Variants in CEP72 observed in about 807,000 individuals in gnomAD.
CEP72 encodes centrosomal protein 72.
In CEP72, 78 loss-of-function variants were observed where a neutral mutation model predicts 65.7. The ratio of observed to expected loss-of-function variants is 1.19; its 90% CI spans 0.99 to 1.43. The LOEUF (loss-of-function observed/expected upper bound fraction) is 1.43. Among genes scored for constraint, CEP72 ranks in the 40% most tolerant of loss-of-function variants. The pLI is 0.00. For synonymous variants in CEP72, 358 were observed against 351.7 expected (o/e 1.02, Z -0.20); for missense variants, 914 against 832.9 (o/e 1.10, Z -1.20).
At chr5:625,995 T>C (rs141269070) in intron 4 of CEP72, among the ~76,000 whole-genome samples, 14 of 151,812 alleles carry the variant, frequency 9.2e-5, no homozygotes, top group Admixed American at 1.3e-4. Flanking sequence ...CCAAGAAAGG[T>C]TGCATTCCGA....
chr5:635,947 G>A (rs1021773314), intron 6 of CEP72, among the ~76,000 whole-genome samples: 1 of 152,048 alleles, frequency 6.6e-6, no homozygotes, highest in Admixed American at 6.5e-5. Context: ...CCTGTGACCT[G>A]TTCCAGACTC....
downstream of CEP72, among the ~76,000 whole-genome samples, chr5:670,788 G>A (rs56374802): frequency 4.7e-3 from 712 of 152,300 alleles, 6 homozygotes; most frequent in African/African-American, 0.016. Context: ...AACGTTTCCC[G>A]GGGCCGACAG....
rs1241993189 is a variant in CEP72, at chr5:635,409, C to A, written c.729C>A (p.Tyr243Ter). 1.2e-6 allele frequency: 2 copies of A among 1,613,762 alleles called. No homozygotes were observed. Among genetic ancestry groups the A allele is most frequent in the Non-Finnish European group, 1.7e-6 (2 of 1,179,658 alleles). Residue 243 changes from tyrosine (Y) to a stop codon, truncating the protein, a stop_gained, in exon 6 of 12, where the codon TAC becomes TAA. Coordinates refer to ENST00000264935, the MANE Select transcript of CEP72 (RefSeq NM_018140.4). LOFTEE classifies it high-confidence loss of function. ...RHLLSPQLVQ[Y>*]QCGDSGKQGR... is the part of the protein sequence containing the mutation. Reference sequence around the variant, plus strand: ...TGTTGAGCCCGCAGTTGGTACAGTACCAGTGTGGGGACTCTGGGAAGCAGG... The same window carrying A: ...TGTTGAGCCCGCAGTTGGTACAGTAACAGTGTGGGGACTCTGGGAAGCAGG...
intron 4 of CEP72, among the ~76,000 whole-genome samples, chr5:628,550 G>GC (rs1736931668): frequency 2.7e-5 from 3 of 110,588 alleles, no homozygotes; most frequent in Admixed American, 8.9e-5. Flanking sequence ...AACTCAGGTT[G>GC]CAGTCCCCGG....
At chr5:616,399 A>AT (rs934228762) in intron 1 of CEP72, among the ~76,000 whole-genome samples, 18 of 149,270 alleles carry the variant, frequency 1.2e-4, no homozygotes, top group South Asian at 1.1e-3. Flanking sequence ...TCATTGAAGT[A>AT]TTTTTTATGA....
intron 8 of CEP72, among the ~76,000 whole-genome samples, chr5:640,180 C>T (rs1737909792): frequency 6.6e-6 from 1 of 152,198 alleles, no homozygotes; most frequent in South Asian, 2.1e-4. Flanking sequence ...CCCCTGGTTG[C>T]CCCTTTTCTT....
chr5:612,844 G>A (rs1327865108), intron 1 of CEP72, among the ~76,000 whole-genome samples: 3 of 152,236 alleles, frequency 2.0e-5, no homozygotes, highest in Admixed American at 1.3e-4. Flanking sequence ...GATGTTGGTG[G>A]CCGGTTTCCT....
At chr5:640,140 C>T (rs538581028) in intron 8 of CEP72, among the ~76,000 whole-genome samples, 173 of 152,302 alleles carry the variant, frequency 1.1e-3, no homozygotes, top group Non-Finnish European at 1.6e-3. Flanking sequence ...CGAGTTGTGG[C>T]GGCGCCACTG....
At chr5:665,199 C>T in exon 3 of CEP72, 1 of 1,611,358 alleles carries the variant, frequency 6.2e-7, no homozygotes, top group Non-Finnish European at 8.5e-7. Flanking sequence ...GCCAGCCTTG[C>T]CCTTGCCCTT....
downstream of CEP72, among the ~76,000 whole-genome samples, chr5:669,222 G>A (rs1740092357): frequency 6.6e-6 from 1 of 152,178 alleles, no homozygotes; most frequent in Admixed American, 6.5e-5. Flanking sequence ...GCACATTCCA[G>A]ACCCGCCGGC....
intron 11 of CEP72, among the ~76,000 whole-genome samples, chr5:649,368 T>G (rs991855616): frequency 8.6e-4 from 5 of 5,844 alleles, no homozygotes; most frequent in East Asian, 0.019. Context: ...GACTGTGAGG[T>G]GTGACTGTGA....
downstream of CEP72, among the ~76,000 whole-genome samples, chr5:658,001 T>G (rs1301075118): frequency 6.6e-6 from 1 of 152,264 alleles, no homozygotes; most frequent in Non-Finnish European, 1.5e-5. Flanking sequence ...TTGTAAGTTA[T>G]GTGTCTCTAA....
chr5:624,670 C>T lies in CEP72; in HGVS notation c.512+91C>T. The T allele has an allele frequency of 1.0e-6, 1 of 959,896 alleles. No homozygotes were observed. The highest frequency in any genetic ancestry group is 1.9e-5 in the Admixed American group (1 of 52,900). 59.5% of individuals were successfully genotyped at this position (959,896 alleles called of 1,614,324 possible). A position where few individuals can be genotyped will look rare whatever the true frequency, so the allele number is the denominator to read the frequency against. ...CGAACGTCATTCACTGTGTGCCGGT[C>T]ACTCTCCAGGGGCGGACACCAGGAG... On this transcript the variant is annotated intron_variant, in intron 4 of 11. Transcript: ENST00000264935. The surrounding 1 kb of genome is among the most constrained non-coding windows in gnomAD (Gnocchi z 4.7).
Position 612,365 on chromosome 5 carries a change from G to A in CEP72, c.4G>A (p.Ala2Thr). The A allele has an allele frequency of 6.7e-7, 1 of 1,489,956 alleles. No homozygotes were observed. The highest frequency in any genetic ancestry group is 8.9e-7 in the Non-Finnish European group (1 of 1,125,110). The allele number at this position is 1,489,956 out of a possible 1,614,324, so 92.3% of individuals were successfully genotyped here. Residue 2 changes from alanine (A) to threonine (T), a missense_variant, in exon 1 of 12, where the codon GCG becomes ACG. Ala to Thr is a moderately conservative substitution (Grantham distance 58, BLOSUM62 0). Transcript: ENST00000264935. M[A>T]RAGPRLVLSE... Reference sequence around the variant, plus strand: ...GTCCGAGGGCTCCGTTTGAAACATGGCGCGGGCTGGCCCTCGGCTGGTGCT... The same window carrying A: ...GTCCGAGGGCTCCGTTTGAAACATGACGCGGGCTGGCCCTCGGCTGGTGCT...
At chr5:663,831 GTGTGGC>G (rs1307408156) in intron 2 of CEP72, 1 of 152,532 alleles carries the variant, frequency 6.6e-6, no homozygotes, top group African/African-American at 2.4e-5. Flanking sequence ...CAGGTCACAC[GTGTGGC>G]TGTGGCTGTG....
At chr5:618,749 A>G (rs531454606) in intron 1 of CEP72, among the ~76,000 whole-genome samples, 7 of 152,266 alleles carry the variant, frequency 4.6e-5, no homozygotes, top group African/African-American at 1.2e-4. Context: ...GACACCACCT[A>G]TGGGATCTGG....
chr5:640,957 C>G (rs1446564127), intron 9 of CEP72: 2 of 985,370 alleles, frequency 2.0e-6, no homozygotes, highest in East Asian at 2.3e-4. Context: ...ACCGAGGCCA[C>G]TCTCCTTTTA....
chr5:665,119 C>T (rs1195057918), intron 2 of CEP72: 4 of 1,611,526 alleles, frequency 2.5e-6, no homozygotes, highest in Non-Finnish European at 3.4e-6. Context: ...CCCCCTTGCA[C>T]CTTCTGGTCG....
chr5:654,036 CTGTGTGTGTGT>C (rs1561069227), downstream of CEP72, among the ~76,000 whole-genome samples: 2 of 125,040 alleles, frequency 1.6e-5, no homozygotes, highest in African/African-American at 6.2e-5. Flanking sequence ...TGTGCGCTTG[CTGTGTGTGTGT>C]GCTAGCTGTG....
Sources: allele counts gnomAD v4.1 joint callset (sites outside exome capture counted in the v4.1 genomes callset), GRCh38; gene constraint gnomAD v4.1.1; non-coding constraint Gnocchi (gnomAD v3.1); transcripts MANE v1.5; gene names NCBI Gene and HGNC (gene_info 2026-07-23, HGNC 2026-07-21).